The following ANKS1B variants were observed in gnomAD, a reference collection of about 807,000 sequenced individuals.
ANKS1B encodes the protein ankyrin repeat and sterile alpha motif domain containing 1B.
In ANKS1B, 36 loss-of-function variants were observed where a neutral mutation model predicts 148.3. The ratio of observed to expected loss-of-function variants is 0.24; its 90% CI spans 0.19 to 0.32. The LOEUF (loss-of-function observed/expected upper bound fraction) is 0.32. Among genes scored for constraint, ANKS1B ranks in the 10% least tolerant of loss-of-function variants. ANKS1B has a pLI of 1.00. For missense variants in ANKS1B, 1,157 were observed against 1,542.6 expected, an observed-to-expected ratio of 0.75 and a Z score of 4.19; for synonymous variants, 542 against 560.8, an observed-to-expected ratio of 0.97 and a Z score of 0.47.
At chr12:99,363,414 T>G (rs1212595652) in intron 12 of ANKS1B, among the ~76,000 whole-genome samples, 1 of 152,116 alleles carries the variant, frequency 6.6e-6, no homozygotes, top group Non-Finnish European at 1.5e-5. Flanking sequence ...ACAAATGACA[T>G]GATGCCAAAG....
At chr12:99,054,410 T>C (rs932883749) in intron 16 of ANKS1B, among the ~76,000 whole-genome samples, 5 of 152,246 alleles carry the variant, frequency 3.3e-5, no homozygotes, top group Non-Finnish European at 4.4e-5. Context: ...CATGGTAAGC[T>C]TTCTATCACT....
intron 10 of ANKS1B, among the ~76,000 whole-genome samples, chr12:99,475,072 A>T (rs982202911): frequency 9.9e-5 from 15 of 151,210 alleles, no homozygotes; most frequent in African/African-American, 3.6e-4. Flanking sequence ...TGCCATCTGT[A>T]CTAAAAATAC....
chr12:99,172,610 A>G (rs1419438542), intron 14 of ANKS1B, among the ~76,000 whole-genome samples: 3 of 152,170 alleles, frequency 2.0e-5, no homozygotes, highest in African/African-American at 7.2e-5. Context: ...ACATGAGAGG[A>G]TTCTTCCCAT....
At chr12:98,749,105 AT>A (rs1028028623) in intron 26 of ANKS1B, among the ~76,000 whole-genome samples, 21 of 146,690 alleles carry the variant, frequency 1.4e-4, no homozygotes, top group Non-Finnish European at 1.5e-4. Flanking sequence ...TGAAACTTAC[AT>A]TTTTTTTTTT....
chr12:99,572,293 T>G (rs922462074), intron 9 of ANKS1B, among the ~76,000 whole-genome samples: 9 of 152,090 alleles, frequency 5.9e-5, no homozygotes, highest in Non-Finnish European at 1.3e-4. Context: ...AATTTAAAAT[T>G]TTTTTCTAAA....
chr12:99,768,735 G>C (rs2062896121), intron 8 of ANKS1B, among the ~76,000 whole-genome samples: 1 of 150,886 alleles, frequency 6.6e-6, no homozygotes, highest in African/African-American at 2.4e-5. Context: ...CTGAGGCAGG[G>C]GAATCGCTTG....
At chr12:99,862,471 A>G (rs2090158918) in intron 1 of ANKS1B, among the ~76,000 whole-genome samples, 1 of 152,184 alleles carries the variant, frequency 6.6e-6, no homozygotes, top group African/African-American at 2.4e-5. Context: ...CCTATGCTAT[A>G]AAATACTTCT....
intron 15 of ANKS1B, among the ~76,000 whole-genome samples, chr12:99,122,647 A>G (rs1359344660): frequency 6.6e-6 from 1 of 152,218 alleles, no homozygotes; most frequent in Non-Finnish European, 1.5e-5. Flanking sequence ...AGGAAGCTCC[A>G]TAAACATGTT....
chr12:99,959,219 C>T (rs113200678), intron 1 of ANKS1B, among the ~76,000 whole-genome samples: 5,526 of 144,916 alleles, frequency 0.038, 332 homozygotes, highest in African/African-American at 0.13. Flanking sequence ...GGCCACCACA[C>T]CCAGTTAATT....
chr12:99,384,646 C>T (rs961239009), intron 12 of ANKS1B, among the ~76,000 whole-genome samples: 2 of 151,806 alleles, frequency 1.3e-5, no homozygotes, highest in African/African-American at 4.8e-5. Flanking sequence ...CTCCCCTCCC[C>T]TCCTCTCCTC....
intron 19 of ANKS1B, among the ~76,000 whole-genome samples, chr12:98,824,008 C>T (rs1048803858): frequency 7.9e-5 from 12 of 152,168 alleles, no homozygotes; most frequent in African/African-American, 2.9e-4. Flanking sequence ...GATATCCATG[C>T]TTTTTAAGCT....
At chr12:99,029,267 T>C (rs545265543) in intron 17 of ANKS1B, among the ~76,000 whole-genome samples, 1 of 152,310 alleles carries the variant, frequency 6.6e-6, no homozygotes, top group East Asian at 1.9e-4. Context: ...AAAATCCCCA[T>C]TTCCCCAGCA....
chr12:99,511,506 C>T (rs1038795640), intron 9 of ANKS1B, among the ~76,000 whole-genome samples: 1 of 151,764 alleles, frequency 6.6e-6, no homozygotes, highest in Non-Finnish European at 1.5e-5. Context: ...AATTTATAGA[C>T]AATGCTATTC....
intron 14 of ANKS1B, among the ~76,000 whole-genome samples, chr12:99,202,643 C>T (rs1013496122): frequency 1.1e-4 from 17 of 152,202 alleles, no homozygotes; most frequent in African/African-American, 3.6e-4. Context: ...GCTCTTATGC[C>T]ACTACATGTC....
intron 2 of ANKS1B, 68 bp from the exon 3 acceptor site, chr12:99,812,379 T>A: frequency 6.8e-7 from 1 of 1,477,900 alleles, no homozygotes. Flanking sequence ...TAGGTAATTT[T>A]AAAAGAATAC....
chr12:99,151,006 C>T (rs2074719220), intron 15 of ANKS1B, among the ~76,000 whole-genome samples: 1 of 152,124 alleles, frequency 6.6e-6, no homozygotes, highest in Non-Finnish European at 1.5e-5. Context: ...ACTTCTGAAA[C>T]TATTCATTGA....
At chr12:99,289,861 C>A (rs916479089) in intron 12 of ANKS1B, among the ~76,000 whole-genome samples, 22 of 151,540 alleles carry the variant, frequency 1.5e-4, no homozygotes, top group African/African-American at 4.4e-4. Flanking sequence ...TTTTAAAGAA[C>A]TAGAAAAGCT....
rs1235710024 is a variant in ANKS1B at position 99,638,000 on chromosome 12, T to C, written c.1272+17067A>G. 4.6e-5 allele frequency among the ~76,000 whole-genome samples: 7 copies of C among 151,934 alleles called. No individual in the cohort carries two copies. The East Asian group carries it at 1.4e-3, about 29-fold the overall frequency. On this transcript the variant is annotated intron_variant, in intron 9 of 26. Transcript: ENST00000683438. ...TGGTTACCCCCATCCTGCTTTTCTCTGACAGTGAGTGAGTTCTCATGAGAT... is the reference window on the plus strand; with the variant it reads ...TGGTTACCCCCATCCTGCTTTTCTCCGACAGTGAGTGAGTTCTCATGAGAT...
chr12:99,488,987 G>A (rs961055097), intron 10 of ANKS1B, among the ~76,000 whole-genome samples: 5 of 151,960 alleles, frequency 3.3e-5, no homozygotes, highest in Admixed American at 1.3e-4. Context: ...CAGTACAAAC[G>A]CAATCCCAGA....
Sources: allele counts gnomAD v4.1 joint callset (sites outside exome capture counted in the v4.1 genomes callset), GRCh38; gene constraint gnomAD v4.1.1; transcripts MANE v1.5; gene names NCBI Gene and HGNC (gene_info 2026-07-23, HGNC 2026-07-21).